The following KIFAP3 variants were observed in gnomAD, a reference collection of about 807,000 sequenced individuals.
KIFAP3 encodes the protein kinesin associated protein 3.
A neutral mutation model predicts 106.5 loss-of-function variants in KIFAP3; 68 were observed. The observed-to-expected ratio is 0.64, with a 90% CI of 0.53 to 0.78. KIFAP3 has a LOEUF of 0.78. Ranked by LOEUF, KIFAP3 falls within the 30% of genes least tolerant of loss-of-function variation. The pLI is 0.00. For synonymous variants in KIFAP3, 320 were observed against 311.5 expected (o/e 1.03, Z -0.29); for missense variants, 780 against 941.8 (o/e 0.83, Z 2.25).
At chr1:169,984,370 C>A (rs556263796) in intron 12 of KIFAP3, among the ~76,000 whole-genome samples, 14 of 151,814 alleles carry the variant, frequency 9.2e-5, no homozygotes, top group African/African-American at 3.4e-4. Flanking sequence ...GGCTAACTCA[C>A]CATGGTTTGT....
intron 15 of KIFAP3, among the ~76,000 whole-genome samples, chr1:169,980,324 G>C (rs1015996562): frequency 1.3e-5 from 2 of 152,114 alleles, no homozygotes; most frequent in Non-Finnish European, 2.9e-5. Context: ...ACTGAGATGA[G>C]AGTATCTTCT....
At chr1:169,984,064 T>C (rs1666663480) in intron 12 of KIFAP3, among the ~76,000 whole-genome samples, 1 of 151,920 alleles carries the variant, frequency 6.6e-6, no homozygotes, top group South Asian at 2.1e-4. Context: ...TATGCAGAAG[T>C]ATTACACTAA....
At chr1:169,991,409 T>C (rs913337881) in intron 11 of KIFAP3, among the ~76,000 whole-genome samples, 2 of 150,402 alleles carry the variant, frequency 1.3e-5, no homozygotes, top group Admixed American at 6.6e-5. Flanking sequence ...TGTAACAGAA[T>C]ATGGATAATA....
chr1:170,078,821 C>A (rs921227005), upstream of KIFAP3, among the ~76,000 whole-genome samples: 21 of 152,170 alleles, frequency 1.4e-4, no homozygotes, highest in African/African-American at 5.1e-4. Flanking sequence ...CAGCATTATC[C>A]TGATATCAAA....
chr1:169,947,557 A>AT (rs943449885), intron 19 of KIFAP3, among the ~76,000 whole-genome samples: 5 of 151,548 alleles, frequency 3.3e-5, no homozygotes, highest in African/African-American at 4.9e-5. Flanking sequence ...ATTCAATGAT[A>AT]TTTTTTTAAT....
rs534874935 is a variant in KIFAP3 at position 169,986,823 on chromosome 1, A to G, written c.1285-2133T>C. 1.3e-3 allele frequency among the ~76,000 whole-genome samples: 192 copies of G among 152,162 alleles called. 1 individual carries two copies. Among genetic ancestry groups the G allele is most frequent in the Non-Finnish European group, 2.0e-3 (137 of 67,958 alleles). ...GTATTTACTTCAAATCAACCTTTGTAGTATGAAAATTAGCCTTAAACACAG... is the reference window on the plus strand; with the variant it reads ...GTATTTACTTCAAATCAACCTTTGTGGTATGAAAATTAGCCTTAAACACAG... On this transcript the variant is annotated intron_variant, in intron 11 of 19. Coordinates refer to ENST00000361580, the MANE Select transcript of KIFAP3 (RefSeq NM_014970.4).
chr1:170,052,935 G>A (rs568787020), intron 2 of KIFAP3, among the ~76,000 whole-genome samples: 77 of 152,156 alleles, frequency 5.1e-4, no homozygotes, highest in Non-Finnish European at 9.8e-4. Flanking sequence ...ACCATCACAA[G>A]ACAAGGATGC....
intron 17 of KIFAP3, among the ~76,000 whole-genome samples, chr1:169,968,821 T>C (rs947258713): frequency 7.1e-6 from 1 of 140,186 alleles, no homozygotes; most frequent in African/African-American, 2.4e-5. Flanking sequence ...TAAGTCCAAA[T>C]GTTGCCAATT....
Position 170,041,285 on chromosome 1 carries a change from C to T in KIFAP3, c.320-1997G>A, listed in dbSNP as rs1348745093. 3.9e-5 allele frequency among the ~76,000 whole-genome samples: 6 copies of T among 152,194 alleles called. No homozygotes were observed. In the South Asian group the frequency reaches 1.2e-3, roughly 32 times the overall value. On this transcript the variant is annotated intron_variant, in intron 3 of 19. Coordinates refer to ENST00000361580, the MANE Select transcript of KIFAP3 (RefSeq NM_014970.4). ...GAGACTGACTAATTTGAAAAAATTC[C>T]AAACAAAATTTTCTTTTTTTTTCCT...
chr1:169,982,998 C>T, intron 13 of KIFAP3, 131 bp from the exon 14 acceptor site: 1 of 642,570 alleles, frequency 1.6e-6, no homozygotes, highest in South Asian at 5.1e-5. Context: ...TTTTAATAAT[C>T]TTGAGCTAAA....
At chr1:169,977,604 C>T (rs959750978) in intron 16 of KIFAP3, among the ~76,000 whole-genome samples, 1 of 152,106 alleles carries the variant, frequency 6.6e-6, no homozygotes, top group Admixed American at 6.6e-5. Context: ...TAGGCTACAA[C>T]ATGCTATGCC....
At chr1:169,970,563 T>C (rs565276296) in intron 17 of KIFAP3, among the ~76,000 whole-genome samples, 1 of 152,214 alleles carries the variant, frequency 6.6e-6, no homozygotes, top group South Asian at 2.1e-4. Flanking sequence ...TACAGGTAAA[T>C]TGCTTTAAGC....
At chr1:170,008,648 A>G (rs1219874634) in intron 10 of KIFAP3, among the ~76,000 whole-genome samples, 1 of 152,248 alleles carries the variant, frequency 6.6e-6, no homozygotes, top group African/African-American at 2.4e-5. Flanking sequence ...GTGGAGAAAT[A>G]GGAACGCTTT....
In KIFAP3 at chr1:169,991,992, T is replaced by A. The variant is rs572388950; in HGVS notation, c.1284+163A>T. ...AGTTTGGGATAATGGAAAGTTATTT[T>A]CATTTTTATACAGTTCTGTACTTCC... is the stretch of plus-strand genomic sequence containing the variant. On this transcript the variant is annotated intron_variant, in intron 11 of 19. Transcript: ENST00000361580. Among the ~76,000 whole-genome samples, 24 of 152,228 alleles carry A rather than the reference T, an allele frequency of 1.6e-4. No homozygotes were observed. In the South Asian group the frequency reaches 5.0e-3, roughly 32 times the overall value.
chr1:169,998,399 T>TAC (rs1205858764), intron 10 of KIFAP3, among the ~76,000 whole-genome samples: 182 of 97,784 alleles, frequency 1.9e-3, no homozygotes, highest in South Asian at 7.9e-3. Context: ...TATATATATA[T>TAC]ACACACACAC....
intron 2 of KIFAP3, among the ~76,000 whole-genome samples, chr1:170,052,673 C>A (rs185350161): frequency 9.3e-4 from 142 of 152,312 alleles, no homozygotes; most frequent in Non-Finnish European, 1.8e-3. Flanking sequence ...CCCTGGGACG[C>A]AAGGCTGGTT....
At chr1:169,953,463 AACAG>A (rs59091185) in intron 19 of KIFAP3, among the ~76,000 whole-genome samples, 66,716 of 151,746 alleles carry the variant, frequency 0.44, 15,003 homozygotes, top group Middle Eastern at 0.53. Flanking sequence ...TGTTTGTGTC[AACAG>A]ACAATCTATA....
intron 3 of KIFAP3, 132 bp from the exon 4 acceptor site, chr1:170,039,420 C>G (rs1179830273): frequency 3.7e-6 from 2 of 546,710 alleles, no homozygotes; most frequent in South Asian, 5.2e-5. Flanking sequence ...GAAATAATCT[C>G]TTCTCAATGC....
chr1:169,923,356 C>T (rs925334538), intron 19 of KIFAP3, among the ~76,000 whole-genome samples: 1 of 152,108 alleles, frequency 6.6e-6, no homozygotes, highest in Non-Finnish European at 1.5e-5. Flanking sequence ...TTAGTGGAAT[C>T]AGTGAACTAA....
Sources: allele counts gnomAD v4.1 joint callset (sites outside exome capture counted in the v4.1 genomes callset), GRCh38; gene constraint gnomAD v4.1.1; transcripts MANE v1.5; gene names NCBI Gene and HGNC (gene_info 2026-07-23, HGNC 2026-07-21).